The following PSME4 variants were observed in gnomAD, a reference collection of about 807,000 sequenced individuals.
PSME4 encodes proteasome activator subunit 4, also known as proteasome activator complex subunit 4.
PSME4 carries 89 observed loss-of-function variants against 253.9 expected under a neutral mutation model. That is an observed-to-expected ratio of 0.35 (90% CI 0.30 to 0.42). The LOEUF is 0.42. PSME4 is among the 10% of genes least tolerant of loss of function. The pLI is 1.00. For synonymous variants in PSME4, 851 were observed against 759.2 expected, an observed-to-expected ratio of 1.12 and a Z score of -1.99; for missense variants, 2,014 against 2,195.2, an observed-to-expected ratio of 0.92 and a Z score of 1.65.
chr2:53,920,809 G>T, intron 18 of PSME4, 80 bp downstream of exon 18: 1 of 1,188,936 alleles, frequency 8.4e-7, no homozygotes, highest in Non-Finnish European at 1.2e-6. Flanking sequence ...ACTAACATAT[G>T]CAAGAAAAAA....
At chr2:53,916,104 G>A (rs1280591750) in intron 20 of PSME4, among the ~76,000 whole-genome samples, 1 of 151,852 alleles carries the variant, frequency 6.6e-6, no homozygotes, top group East Asian at 1.9e-4. Context: ...AAAATTAGCT[G>A]CGTGTGGGGG....
At chr2:53,933,523 G>A (rs897845481) in intron 8 of PSME4, among the ~76,000 whole-genome samples, 1 of 151,976 alleles carries the variant, frequency 6.6e-6, no homozygotes, top group Non-Finnish European at 1.5e-5. Context: ...AATACCATAG[G>A]CATGTGTTAT....
At chr2:53,965,828 C>G (rs2104492980) in intron 1 of PSME4, among the ~76,000 whole-genome samples, 1 of 152,086 alleles carries the variant, frequency 6.6e-6, no homozygotes, top group South Asian at 2.1e-4. Context: ...CGCCATCATG[C>G]CCGGCTAACT....
At chr2:53,903,737 C>G (rs990624318) in intron 27 of PSME4, among the ~76,000 whole-genome samples, 6 of 152,148 alleles carry the variant, frequency 3.9e-5, no homozygotes. Context: ...CTTATATTTT[C>G]TTCATCATAA....
chr2:53,927,703 T>C (rs1033854114), intron 11 of PSME4, among the ~76,000 whole-genome samples: 1 of 152,106 alleles, frequency 6.6e-6, no homozygotes, highest in African/African-American at 2.4e-5. Context: ...TCCCAACACT[T>C]TGGGAGGCTG....
chr2:53,915,523 C>T (rs1170672424), intron 20 of PSME4, among the ~76,000 whole-genome samples: 1 of 151,562 alleles, frequency 6.6e-6, no homozygotes, highest in African/African-American at 2.4e-5. Flanking sequence ...CTTGAGCTCA[C>T]AGACCAGTCT....
Position 53,892,811 on chromosome 2 carries a change from T to C in PSME4, c.4188A>G (p.Glu1396=). 1 of 1,609,866 alleles carries C rather than the reference T, an allele frequency of 6.2e-7. No individual in the cohort carries two copies. The highest frequency in any genetic ancestry group is 8.5e-7 in the Non-Finnish European group (1 of 1,178,582). Residue 1396 remains glutamate (E), a synonymous_variant, in exon 36 of 47, where the codon GAA becomes GAG. Transcript: ENST00000404125. The stretch of plus-strand genomic sequence containing the variant: ...TGTACAAATATTAATACATCACCTT[T>C]TCAAATGTCCAGTGCTTAGAACCTC... The part of the protein sequence containing the change: ...LIRGSKHWTF[E]KVEKLWELLC...
rs1667768078 is a variant in PSME4 at position 53,910,203 on chromosome 2, C to T, written c.2517-73G>A. 26 of 1,267,802 alleles carry T rather than the reference C, an allele frequency of 2.1e-5. No homozygotes were observed. In the South Asian group the frequency reaches 3.1e-4, roughly 15 times the overall value. The allele number at this position is 1,267,802 out of a possible 1,614,324, so 78.5% of individuals were successfully genotyped here. A position where few individuals can be genotyped will look rare whatever the true frequency, so the allele number is the denominator to read the frequency against. Reference sequence around the variant, plus strand: ...AGTATTAAAGGGAAAAGTTTCATTGCTGGACTGTTTAAACCAAAACAAAGA... The same window carrying T: ...AGTATTAAAGGGAAAAGTTTCATTGTTGGACTGTTTAAACCAAAACAAAGA... On this transcript the variant is annotated intron_variant, in intron 20 of 46. Transcript: ENST00000404125.
At chr2:53,952,832 G>A (rs1458764469) in intron 1 of PSME4, among the ~76,000 whole-genome samples, 2 of 152,214 alleles carry the variant, frequency 1.3e-5, no homozygotes, top group East Asian at 3.9e-4. Context: ...CTCACCTCCT[G>A]CTGTGCAGCC....
At chr2:53,905,481 G>A (rs1020754139) in intron 26 of PSME4, among the ~76,000 whole-genome samples, 3 of 152,066 alleles carry the variant, frequency 2.0e-5, no homozygotes, top group Non-Finnish European at 4.4e-5. Context: ...CAGGCAGATC[G>A]CTTGAGCCCA....
chr2:53,897,102 TA>T (rs1680175351), intron 31 of PSME4, among the ~76,000 whole-genome samples: 1 of 151,752 alleles, frequency 6.6e-6, no homozygotes, highest in Non-Finnish European at 1.5e-5. Context: ...TCTCTCTGCC[TA>T]GAAAACTTTG....
intron 41 of PSME4, among the ~76,000 whole-genome samples, chr2:53,884,013 TA>T (rs961030211): frequency 2.6e-4 from 40 of 152,338 alleles, no homozygotes; most frequent in African/African-American, 9.4e-4. Context: ...CATGGTTTAG[TA>T]AACACGTTTC....
intron 3 of PSME4, among the ~76,000 whole-genome samples, chr2:53,945,557 G>T (rs929079139): frequency 2.0e-5 from 3 of 152,238 alleles, no homozygotes; most frequent in African/African-American, 7.2e-5. Flanking sequence ...AGAGAGGATG[G>T]GAAAGGTAAA....
At chr2:53,910,740 T>A (rs1316442964) in intron 20 of PSME4, among the ~76,000 whole-genome samples, 2 of 152,222 alleles carry the variant, frequency 1.3e-5, no homozygotes, top group Non-Finnish European at 2.9e-5. Context: ...ATTGAACAGT[T>A]AAAAGTCACT....
chr2:53,891,628 A>G (rs1239069743), intron 36 of PSME4, among the ~76,000 whole-genome samples: 1 of 152,038 alleles, frequency 6.6e-6, no homozygotes, highest in Non-Finnish European at 1.5e-5. Context: ...TGGGAGGCCA[A>G]GGTAGGTGGA....
intron 1 of PSME4, among the ~76,000 whole-genome samples, chr2:53,953,449 A>C (rs1488719722): frequency 6.6e-6 from 1 of 150,394 alleles, no homozygotes; most frequent in Admixed American, 6.6e-5. Context: ...CAGGAGTTCA[A>C]GACCAACCTG....
At chr2:53,939,756 G>A (rs183192819) in intron 4 of PSME4, among the ~76,000 whole-genome samples, 200 bp downstream of exon 4, 77 of 152,254 alleles carry the variant, frequency 5.1e-4, no homozygotes, top group African/African-American at 1.8e-3. Flanking sequence ...CTTTACAATG[G>A]ATGACTTTAA....
At chr2:53,966,428 G>T (rs890037734) in intron 1 of PSME4, among the ~76,000 whole-genome samples, 2 of 152,106 alleles carry the variant, frequency 1.3e-5, no homozygotes, top group Admixed American at 6.5e-5. Flanking sequence ...TTGGGAGGCC[G>T]GGGTGGCCAG....
rs1318347322 is a variant in PSME4, at chr2:53,932,068, T to C, written c.1083A>G (p.Pro361=). The C allele has an allele frequency of 6.2e-7, 1 of 1,614,156 alleles. No homozygotes were observed. The highest frequency in any genetic ancestry group is 8.5e-7 in the Non-Finnish European group (1 of 1,179,976). ...NKLMKLLQRL[P]NSVVRRLHRE... ...GATGCAATCTTCTAACAACACTGTT[T>C]GGCAACCGCTGAAGTAGTTTCATTA... The change falls in exon 10 of 47, where the codon CCA becomes CCG. Residue 361 remains proline, a synonymous_variant. Coordinates refer to ENST00000404125, the MANE Select transcript of PSME4 (RefSeq NM_014614.3).
Sources: gnomAD v4.1 joint callset for allele counts (sites outside exome capture counted in the v4.1 genomes callset) on GRCh38, gnomAD v4.1.1 for gene constraint, MANE v1.5 for transcripts, NCBI Gene and HGNC (gene_info 2026-07-23, HGNC 2026-07-21) for gene names.